KCNK10: variants seen among roughly 807,000 people sequenced by gnomAD.
KCNK10 encodes potassium channel subfamily K member 10.
Under a neutral mutation model 47.7 loss-of-function variants are expected in KCNK10, and 25 were observed. The observed-to-expected ratio is 0.52, with a 90% CI of 0.38 to 0.73. The LOEUF is 0.73. Among genes scored for constraint, KCNK10 ranks in the 30% least tolerant of loss-of-function variants. The pLI is 0.00. For synonymous variants in KCNK10, 303 were observed against 285.6 expected (o/e 1.06, Z -0.61); for missense variants, 563 against 714.5 (o/e 0.79, Z 2.42).
At chr14:88,296,618 A>T (rs1367308572) in intron 1 of KCNK10, among the ~76,000 whole-genome samples, 1 of 152,204 alleles carries the variant, frequency 6.6e-6, no homozygotes, top group Non-Finnish European at 1.5e-5. Flanking sequence ...CAGGCCAGAA[A>T]GGGAGAGAAG....
chr14:88,206,421 A>T (rs1421835711), intron 4 of KCNK10, among the ~76,000 whole-genome samples: 1 of 152,250 alleles, frequency 6.6e-6, no homozygotes, highest in African/African-American at 2.4e-5. Flanking sequence ...TCATGTCTAC[A>T]ATTATCTGAG....
intron 1 of KCNK10, among the ~76,000 whole-genome samples, chr14:88,312,536 T>C (rs1380882999): frequency 6.6e-6 from 1 of 152,218 alleles, no homozygotes; most frequent in African/African-American, 2.4e-5. Context: ...GCATTTCTAC[T>C]GCTCGGCCTG....
chr14:88,279,410 T>TGTGTGTGTG (rs1555364358), intron 1 of KCNK10, among the ~76,000 whole-genome samples: 4 of 143,610 alleles, frequency 2.8e-5, no homozygotes, highest in Non-Finnish European at 4.6e-5. Context: ...TGTGTGTGTG[T>TGTGTGTGTG]TACAATGCAC....
intron 3 of KCNK10, among the ~76,000 whole-genome samples, chr14:88,231,195 A>G (rs941843922): frequency 4.6e-5 from 7 of 152,140 alleles, no homozygotes; most frequent in Non-Finnish European, 7.3e-5. Context: ...CGCGAGGACC[A>G]TTTGAGCTAG....
At chr14:88,252,756 G>C (rs998286607) in intron 2 of KCNK10, among the ~76,000 whole-genome samples, 17 of 152,196 alleles carry the variant, frequency 1.1e-4, no homozygotes, top group Admixed American at 1.1e-3. Flanking sequence ...CAGTAAGCCA[G>C]AGGCCAACAA....
chr14:88,279,364 C>CGTGTGTGTGTGTGTGTGT (rs58319931), intron 1 of KCNK10, among the ~76,000 whole-genome samples: 1 of 137,578 alleles, frequency 7.3e-6, no homozygotes, highest in Non-Finnish European at 1.6e-5. Context: ...TTGCCAGATA[C>CGTGTGTGTGTGTGTGTGT]GTGTGTGTGT....
chr14:88,235,374 A>G (rs1345498168), intron 3 of KCNK10: 1 of 386,566 alleles, frequency 2.6e-6, no homozygotes, highest in Non-Finnish European at 5.1e-6. Flanking sequence ...TTACCAATGG[A>G]TGGAAAGAGG....
chr14:88,300,871 T>C (rs977634019), intron 1 of KCNK10, among the ~76,000 whole-genome samples: 1 of 152,166 alleles, frequency 6.6e-6, no homozygotes, highest in African/African-American at 2.4e-5. Context: ...TTTAAATAAA[T>C]AAGAAATCAT....
chr14:88,286,521 A>G (rs1887763579), intron 1 of KCNK10, among the ~76,000 whole-genome samples: 2 of 152,020 alleles, frequency 1.3e-5, no homozygotes, highest in African/African-American at 4.8e-5. Context: ...CTGAAGTAAC[A>G]CTCTTGTTAT....
intron 2 of KCNK10, among the ~76,000 whole-genome samples, chr14:88,247,220 C>T (rs8005779): frequency 0.077 from 11,727 of 152,190 alleles, 1,152 homozygotes; most frequent in African/African-American, 0.23. Context: ...GGCTGGCTCA[C>T]ACCCAGCCTG....
In KCNK10 at chr14:88,278,353, G is replaced by C. The variant is rs1887573234; in HGVS notation, c.53-14802C>G. On this transcript the variant is annotated intron_variant, in intron 1 of 6. Coordinates refer to ENST00000319231, the MANE Select transcript of KCNK10 (RefSeq NM_138317.3). ...CAGAATCAAATCTATTACCAAAGCA[G>C]TCTCTATGTGATGGGTTAGTCACAA... is the stretch of plus-strand genomic sequence containing the variant. Among the ~76,000 whole-genome samples the C allele has an allele frequency of 2.0e-5, 3 of 152,156 alleles. No individual in the cohort carries two copies. In the South Asian group the frequency reaches 6.2e-4, roughly 32 times the overall value.
intron 2 of KCNK10, among the ~76,000 whole-genome samples, chr14:88,242,280 C>A (rs1275280436): frequency 6.6e-6 from 1 of 152,186 alleles, no homozygotes; most frequent in Non-Finnish European, 1.5e-5. Context: ...ACACTCTGAA[C>A]CAGGGATCAA....
chr14:88,209,409 G>C (rs1296581751), intron 4 of KCNK10, among the ~76,000 whole-genome samples: 1 of 152,230 alleles, frequency 6.6e-6, no homozygotes, highest in African/African-American at 2.4e-5. Context: ...TGCAGCCAGT[G>C]AAGTGTGGCC....
At chr14:88,243,487 C>T (rs538123474) in intron 2 of KCNK10, among the ~76,000 whole-genome samples, 1 of 152,292 alleles carries the variant, frequency 6.6e-6, no homozygotes, top group South Asian at 2.1e-4. Context: ...CCCCTACTCC[C>T]ATCTTCACCT....
At chr14:88,266,305 G>A (rs1887253200) in intron 1 of KCNK10, among the ~76,000 whole-genome samples, 1 of 152,210 alleles carries the variant, frequency 6.6e-6, no homozygotes, top group Non-Finnish European at 1.5e-5. Flanking sequence ...AAACACAGCA[G>A]TGCTCTGTTC....
chr14:88,212,689 A>G (rs1885500077), intron 4 of KCNK10, among the ~76,000 whole-genome samples: 1 of 152,340 alleles, frequency 6.6e-6, no homozygotes. Flanking sequence ...AACTACAGCT[A>G]TCTATGAGCA....
chr14:88,218,549 G>A (rs1885697042), intron 4 of KCNK10, among the ~76,000 whole-genome samples: 1 of 150,774 alleles, frequency 6.6e-6, no homozygotes, highest in African/African-American at 2.4e-5. Flanking sequence ...TTGGGGCGGG[G>A]GGAAAGCCAA....
chr14:88,273,604 G>C (rs765346499), intron 1 of KCNK10, among the ~76,000 whole-genome samples: 1 of 152,230 alleles, frequency 6.6e-6, no homozygotes, highest in East Asian at 1.9e-4. Context: ...AGCAGCCCAG[G>C]CATATCCGAC....
At chr14:88,217,156 C>T (rs1885648285) in intron 4 of KCNK10, among the ~76,000 whole-genome samples, 1 of 152,070 alleles carries the variant, frequency 6.6e-6, no homozygotes, top group Non-Finnish European at 1.5e-5. Context: ...GACTCCGTCT[C>T]AATAAATAAA....
Sources: allele counts gnomAD v4.1 joint callset (sites outside exome capture counted in the v4.1 genomes callset), GRCh38; gene constraint gnomAD v4.1.1; transcripts MANE v1.5; gene names NCBI Gene and HGNC (gene_info 2026-07-23, HGNC 2026-07-21).